Variants in RNF157 observed in about 807,000 individuals in gnomAD.
RNF157 encodes the protein ring finger protein 157.
In RNF157, 55 loss-of-function variants were observed where a neutral mutation model predicts 88.3. That is an observed-to-expected ratio of 0.62 (90% confidence interval 0.50 to 0.78). The LOEUF (loss-of-function observed/expected upper bound fraction) is 0.78, where lower values mean the gene tolerates loss of function less well. Among genes scored for constraint, RNF157 ranks in the 30% least tolerant of loss-of-function variants. The pLI is 0.00. For synonymous variants in RNF157, 334 were observed against 341.2 expected, an observed-to-expected ratio of 0.98 and a Z score of 0.23; for missense variants, 788 against 860.8, an observed-to-expected ratio of 0.92 and a Z score of 1.06.
intron 5 of RNF157, 105 bp downstream of exon 5, chr17:76,166,904 T>C (rs111449764): frequency 7.0e-6 from 5 of 716,110 alleles, no homozygotes; most frequent in African/African-American, 5.3e-5. Context: ...AAGGTAAGCA[T>C]GGCCTTCAAG....
At chr17:76,203,892 T>G (rs960792195) in intron 2 of RNF157, among the ~76,000 whole-genome samples, 2 of 151,214 alleles carry the variant, frequency 1.3e-5, no homozygotes, top group Non-Finnish European at 2.9e-5. Context: ...CTCAGCCTCC[T>G]GAGTAGCTGG....
chr17:76,207,064 T>C (rs758749632), intron 2 of RNF157, among the ~76,000 whole-genome samples: 27 of 152,226 alleles, frequency 1.8e-4, no homozygotes, highest in Non-Finnish European at 3.2e-4. Context: ...TTCCACCATC[T>C]TTCTGTATAT....
At chr17:76,225,682 T>C (rs983230121) in intron 1 of RNF157, 24 of 1,264,132 alleles carry the variant, frequency 1.9e-5, no homozygotes, top group Non-Finnish European at 2.5e-5. Flanking sequence ...ACAAAATAAT[T>C]TATTGGAACA....
chr17:76,226,890 G>T, intron 1 of RNF157: 3 of 1,168,506 alleles, frequency 2.6e-6, no homozygotes, highest in South Asian at 3.0e-5. Context: ...GCTGAATGCC[G>T]TGGGAAGCGC....
chr17:76,229,577 A>G (rs1358539931), intron 1 of RNF157, among the ~76,000 whole-genome samples: 2 of 152,222 alleles, frequency 1.3e-5, no homozygotes, highest in Admixed American at 6.5e-5. Flanking sequence ...ATCACCTGCC[A>G]TATCTTTTCA....
chr17:76,158,473 G>C lies in RNF157; in HGVS notation c.1333C>G (p.His445Asp). The C allele has an allele frequency of 6.2e-7, 1 of 1,613,724 alleles. No individual in the cohort carries two copies. Among genetic ancestry groups the C allele is most frequent in the Non-Finnish European group, 8.5e-7 (1 of 1,179,676 alleles). Residue 445 changes from histidine to aspartate, a missense_variant, in exon 13 of 19, where the codon CAT (histidine) becomes GAT (aspartate). Transcript: ENST00000269391. ...CAGGAATGCTCATCTTCCTCTTCAT[G>C]CAGCACGGAAGAGTTTTGGGAAGTG... is the stretch of plus-strand genomic sequence containing the variant. Reference protein sequence around the residue: ...KSTSQNSSVLHEEEDEHSCSE... With the variant: ...KSTSQNSSVLDEEEDEHSCSE...
chr17:76,168,637 C>T (rs1255968381), intron 3 of RNF157, among the ~76,000 whole-genome samples: 1 of 152,108 alleles, frequency 6.6e-6, no homozygotes, highest in Admixed American at 6.5e-5. Flanking sequence ...TGGAATCTCT[C>T]TCCCCCTCCA....
At chr17:76,220,434 A>G (rs1023527810) in intron 1 of RNF157, among the ~76,000 whole-genome samples, 1 of 151,854 alleles carries the variant, frequency 6.6e-6, no homozygotes, top group Admixed American at 6.6e-5. Flanking sequence ...TAGTAAACCA[A>G]TTCATTATTT....
chr17:76,210,606 A>G (rs2069778900), intron 2 of RNF157, among the ~76,000 whole-genome samples: 1 of 140,122 alleles, frequency 7.1e-6, no homozygotes, highest in Non-Finnish European at 1.6e-5. Flanking sequence ...AAAAAAAAAG[A>G]AAGAAAGAAA....
chr17:76,181,397 C>T (rs1312360296), intron 2 of RNF157, among the ~76,000 whole-genome samples: 2 of 152,100 alleles, frequency 1.3e-5, no homozygotes, highest in Admixed American at 6.6e-5. Context: ...TAGAGAAGAG[C>T]TTTCTTGGAG....
At position 76,173,773 on chromosome 17, in the gene RNF157, T is replaced by C. The variant is rs780851813; in HGVS notation, c.225A>G (p.Pro75=). The C allele has an allele frequency of 3.7e-6, 6 of 1,609,288 alleles. No homozygotes were observed. The highest frequency in any genetic ancestry group is 4.2e-6 in the Non-Finnish European group (5 of 1,177,534). Residue 75 remains proline (P), a synonymous_variant, in exon 3 of 19, where the codon CCA becomes CCG. Transcript: ENST00000269391. ...NRPVVFPYAA[P]PPQEPVKTLR... ...GAGTCTTCACGGGTTCTTGGGGAGG[T>C]GGGGCGGCGTAAGGAAACTGTGTCA...
At chr17:76,193,151 A>G (rs1330433498) in intron 2 of RNF157, among the ~76,000 whole-genome samples, 1 of 152,200 alleles carries the variant, frequency 6.6e-6, no homozygotes, top group African/African-American at 2.4e-5. Context: ...CTTTGGGCAA[A>G]TAACTTAACA....
intron 1 of RNF157, among the ~76,000 whole-genome samples, chr17:76,216,750 G>C (rs953255734): frequency 6.6e-6 from 1 of 151,752 alleles, no homozygotes; most frequent in Non-Finnish European, 1.5e-5. Context: ...AATTAGCTGG[G>C]TATGATGGCC....
rs1165371245 is a variant in RNF157, at chr17:76,146,022, A to G, written c.1922-669T>C. On this transcript the variant is annotated intron_variant, in intron 18 of 18. Transcript: ENST00000269391. This position sits in a 1 kb window ranked among gnomAD's most constrained non-coding sequence, Gnocchi z 4.2. Reference sequence around the variant, plus strand: ...CGGGGTCCCACAGATACCATCACTAAACGCATCCGCTCCCCAAATCTGCTG... The same window carrying G: ...CGGGGTCCCACAGATACCATCACTAGACGCATCCGCTCCCCAAATCTGCTG... Among the ~76,000 whole-genome samples, 1 of 152,132 alleles carries G rather than the reference A, an allele frequency of 6.6e-6. No individual in the cohort carries two copies. The highest frequency in any genetic ancestry group is 1.9e-4 in the East Asian group (1 of 5,188).
At chr17:76,151,653 C>T (rs566368298) in intron 18 of RNF157, among the ~76,000 whole-genome samples, 41 of 152,278 alleles carry the variant, frequency 2.7e-4, no homozygotes, top group Non-Finnish European at 4.3e-4. Flanking sequence ...AAAAGGCACT[C>T]GGTGCTTAAA....
At chr17:76,175,110 C>T (rs751173397) in intron 2 of RNF157, among the ~76,000 whole-genome samples, 15 of 152,306 alleles carry the variant, frequency 9.8e-5, no homozygotes, top group Middle Eastern at 6.8e-3. Context: ...ACCTCTATAT[C>T]TATGTGCTGT....
rs1233703464 is a variant in RNF157, at chr17:76,176,525, A to G, written c.208-2735T>C. Among the ~76,000 whole-genome samples, 1 of 152,170 alleles carries G rather than the reference A, an allele frequency of 6.6e-6. No homozygotes were observed. The highest frequency in any genetic ancestry group is 1.5e-5 in the Non-Finnish European group (1 of 68,014). ...TTAGTGAGTTATCTTCCTTTCAAAA[A>G]TTACCATTTATTGAGTGCTTACTAT... is the stretch of plus-strand genomic sequence containing the variant. On this transcript the variant is annotated intron_variant, in intron 2 of 18. Transcript: ENST00000269391. The surrounding 1 kb of genome is among the most constrained non-coding windows in gnomAD (Gnocchi z 4.2).
intron 1 of RNF157, among the ~76,000 whole-genome samples, chr17:76,222,249 G>C (rs1310214841): frequency 6.6e-6 from 1 of 152,000 alleles, no homozygotes; most frequent in Non-Finnish European, 1.5e-5. Flanking sequence ...GGGAGGCTGA[G>C]GCACAAGAAC....
In RNF157 at chr17:76,143,775, G is replaced by A. The variant is rs1057182011; in HGVS notation, c.*1460C>T. The A allele has an allele frequency of 6.8e-6, 1 of 146,112 alleles. No individual in the cohort carries two copies. The highest frequency in any genetic ancestry group is 2.5e-5 in the African/African-American group (1 of 39,222). 9.1% of individuals were successfully genotyped at this position (146,112 alleles called of 1,614,324 possible). A position where few individuals can be genotyped will look rare whatever the true frequency, so the allele number is the denominator to read the frequency against. On this transcript the variant is annotated 3_prime_UTR_variant, in exon 19 of 19. Coordinates refer to ENST00000269391, the MANE Select transcript of RNF157 (RefSeq NM_052916.3). ...AACAGCCTTGAATTTTTTTTTTTTT[G>A]TTTGAGACAGAGTTTCGATCTTTTC...
Sources: gnomAD v4.1 joint callset for allele counts (sites outside exome capture counted in the v4.1 genomes callset) on GRCh38, gnomAD v4.1.1 for gene constraint, Gnocchi (gnomAD v3.1) non-coding constraint, MANE v1.5 for transcripts, NCBI Gene and HGNC (gene_info 2026-07-23, HGNC 2026-07-21) for gene names.